NCKAP5: variants seen among roughly 807,000 people sequenced by gnomAD.
NCKAP5 encodes nck-associated protein 5.
In NCKAP5, 92 loss-of-function variants were observed where a neutral mutation model predicts 167.0. That is an observed-to-expected ratio of 0.55 (90% confidence interval 0.47 to 0.66). The LOEUF is 0.66. NCKAP5 is among the 30% of genes least tolerant of loss of function. NCKAP5 has a pLI of 0.00. For missense variants in NCKAP5, 2,378 were observed against 2,315.0 expected (o/e 1.03, Z -0.56); for synonymous variants, 891 against 877.4 (o/e 1.02, Z -0.27).
chr2:132,937,866 A>C (rs1455644656), intron 8 of NCKAP5, among the ~76,000 whole-genome samples: 1 of 152,236 alleles, frequency 6.6e-6, no homozygotes, highest in Non-Finnish European at 1.5e-5. Context: ...CGAGAGGAGC[A>C]GGAAATGCCA....
chr2:133,475,103 C>G (rs889282747), intron 3 of NCKAP5, among the ~76,000 whole-genome samples: 1 of 152,184 alleles, frequency 6.6e-6, no homozygotes, highest in African/African-American at 2.4e-5. Context: ...GCCACCATGC[C>G]CAGCCTAGAA....
intron 2 of NCKAP5, among the ~76,000 whole-genome samples, chr2:133,517,966 C>T (rs565317812): frequency 5.2e-4 from 79 of 152,172 alleles, no homozygotes; most frequent in Middle Eastern, 3.4e-3. Flanking sequence ...GAGATCAAAC[C>T]GACAAAACCA....
At chr2:133,512,198 AC>A (rs1295708965) in intron 3 of NCKAP5, among the ~76,000 whole-genome samples, 1 of 152,106 alleles carries the variant, frequency 6.6e-6, no homozygotes, top group Non-Finnish European at 1.5e-5. Flanking sequence ...GGCTGAACAT[AC>A]TCTATGTCAA....
At chr2:133,243,522 A>G (rs910288990) in intron 4 of NCKAP5, among the ~76,000 whole-genome samples, 2 of 152,178 alleles carry the variant, frequency 1.3e-5, no homozygotes, top group East Asian at 1.9e-4. Context: ...TTAAATGCCA[A>G]TTGGTCCTCT....
chr2:133,023,394 C>T (rs776998446), intron 6 of NCKAP5, among the ~76,000 whole-genome samples: 82 of 152,230 alleles, frequency 5.4e-4, no homozygotes, highest in Non-Finnish European at 8.2e-4. Flanking sequence ...CTTCATCCTG[C>T]TTCTGTTTCT....
intron 3 of NCKAP5, among the ~76,000 whole-genome samples, chr2:133,430,962 C>CT (rs1206752739): frequency 6.6e-6 from 1 of 151,314 alleles, no homozygotes. Context: ...AAATTTTGAC[C>CT]TTATAAATCA....
At chr2:133,569,316 T>G (rs1688767316), upstream of NCKAP5, among the ~76,000 whole-genome samples, 1 of 152,126 alleles carries the variant, frequency 6.6e-6, no homozygotes, top group South Asian at 2.1e-4. Context: ...ATTCCACAGA[T>G]CCAACACCTA....
Position 133,013,932 on chromosome 2 carries a change from A to G in NCKAP5, c.342-19693T>C, listed in dbSNP as rs181476093. ...CTTTCTCTTTCCCATCAAAATCCCA[A>G]CTCTTCCCAAGCACTGCCAATTCCT... On this transcript the variant is annotated intron_variant, in intron 6 of 19. Transcript: ENST00000409261. Among the ~76,000 whole-genome samples the G allele has an allele frequency of 4.2e-4, 64 of 151,732 alleles. 1 individual carries two copies. The highest frequency in any genetic ancestry group is 1.4e-3 in the African/African-American group (59 of 41,328).
chr2:133,497,730 G>A (rs1682067740), intron 3 of NCKAP5, among the ~76,000 whole-genome samples: 1 of 152,188 alleles, frequency 6.6e-6, no homozygotes, highest in Non-Finnish European at 1.5e-5. Context: ...CAATAGGTTT[G>A]TTTGTTCCTT....
chr2:132,852,289 G>C (rs1019604029), intron 11 of NCKAP5, among the ~76,000 whole-genome samples: 3 of 152,036 alleles, frequency 2.0e-5, no homozygotes, highest in African/African-American at 7.2e-5. Flanking sequence ...CATGCTACAG[G>C]GTGCATTTTG....
chr2:133,472,378 C>T (rs945195516), intron 3 of NCKAP5, among the ~76,000 whole-genome samples: 2 of 152,208 alleles, frequency 1.3e-5, no homozygotes, highest in South Asian at 2.1e-4. Context: ...CTAGACATTA[C>T]TGTGGCTTTA....
At chr2:133,360,905 C>A (rs532345738) in intron 3 of NCKAP5, among the ~76,000 whole-genome samples, 2 of 150,190 alleles carry the variant, frequency 1.3e-5, no homozygotes, top group Non-Finnish European at 3.0e-5. Context: ...GCTTCAGCAA[C>A]TGGAACCAAT....
At chr2:133,207,740 C>A (rs1210624240) in intron 5 of NCKAP5, among the ~76,000 whole-genome samples, 1 of 152,128 alleles carries the variant, frequency 6.6e-6, no homozygotes, top group African/African-American at 2.4e-5. Context: ...AAAAATAAAG[C>A]AGTACTGCTT....
chr2:132,890,949 C>T (rs1334719803), intron 8 of NCKAP5, among the ~76,000 whole-genome samples: 1 of 152,176 alleles, frequency 6.6e-6, no homozygotes. Context: ...GTGAAGGCAT[C>T]CTCACAATGT....
In NCKAP5 at chr2:132,720,398, C is replaced by T. The variant is rs530137804; in HGVS notation, c.5713+5229G>A. On this transcript the variant is annotated intron_variant, in intron 19 of 19. Coordinates refer to ENST00000409261, the MANE Select transcript of NCKAP5 (RefSeq NM_207363.3). ...AAGAAATCAACCTTGAAAGAAAAGT[C>T]GTGTATTTATTTCAGTGTGTTATGA... Among the ~76,000 whole-genome samples the T allele has an allele frequency of 7.2e-5, 11 of 152,272 alleles. No homozygotes were observed. In the South Asian group the frequency reaches 8.3e-4, roughly 11 times the overall value.
chr2:133,208,108 G>A (rs2150149212), intron 5 of NCKAP5, among the ~76,000 whole-genome samples: 1 of 152,256 alleles, frequency 6.6e-6, no homozygotes, highest in Admixed American at 6.5e-5. Flanking sequence ...GGAGGCCAAG[G>A]CAGGCAGATC....
At chr2:133,616,303 G>A in the NCKAP5 span, among the ~76,000 whole-genome samples, 1 of 149,854 alleles carries the variant, frequency 6.7e-6, no homozygotes, top group Non-Finnish European at 1.5e-5. Flanking sequence ...ACTAAAATCA[G>A]AGCAGAACTG....
chr2:132,996,851 G>A (rs2077617451), intron 6 of NCKAP5, among the ~76,000 whole-genome samples: 1 of 152,042 alleles, frequency 6.6e-6, no homozygotes, highest in African/African-American at 2.4e-5. Flanking sequence ...TTGTCATTGG[G>A]GCCCACCATG....
intron 11 of NCKAP5, among the ~76,000 whole-genome samples, chr2:132,798,968 G>A (rs1447558): frequency 2.0e-5 from 3 of 151,944 alleles, no homozygotes; most frequent in Non-Finnish European, 4.4e-5. Flanking sequence ...TTCATTGCCA[G>A]GCTATTTACA....
Sources: allele counts gnomAD v4.1 joint callset (sites outside exome capture counted in the v4.1 genomes callset), GRCh38; gene constraint gnomAD v4.1.1; transcripts MANE v1.5; gene names NCBI Gene and HGNC (gene_info 2026-07-23, HGNC 2026-07-21).